Variants in CSMD1 observed in about 807,000 individuals in gnomAD.
CSMD1 encodes the protein CUB and sushi domain-containing protein 1.
In CSMD1, 213 loss-of-function variants were observed where a neutral mutation model predicts 417.5. The ratio of observed to expected loss-of-function variants is 0.51; its 90% CI spans 0.46 to 0.57. The LOEUF (loss-of-function observed/expected upper bound fraction) is 0.57. Ranked by LOEUF, CSMD1 falls within the 20% of genes least tolerant of loss-of-function variation. CSMD1 has a pLI of 0.00. For missense variants in CSMD1, 6,923 were observed against 4,529.7 expected (o/e 1.53, Z -15.17); for synonymous variants, 2,862 against 1,736.8 (o/e 1.65, Z -16.11).
rs1300804729 is a variant in CSMD1, at chr8:4,178,564, T to G, written c.416-146465A>C. Among the ~76,000 whole-genome samples, 4 of 151,230 alleles carry G rather than the reference T, an allele frequency of 2.6e-5. No homozygotes were observed. In the South Asian group the frequency reaches 8.4e-4, roughly 32 times the overall value. On this transcript the variant is annotated intron_variant, in intron 3 of 69. Transcript: ENST00000635120. ...CTCACCACTCCTATTCAACATAGTG[T>G]TGGAAGTTCTGGCCAGGGCAATTAG... is the stretch of plus-strand genomic sequence containing the variant.
At chr8:4,060,077 C>T (rs537297853) in intron 3 of CSMD1, among the ~76,000 whole-genome samples, 3 of 152,226 alleles carry the variant, frequency 2.0e-5, no homozygotes, top group African/African-American at 4.8e-5. Flanking sequence ...CAGCAGCACA[C>T]CAAAAAGCCT....
At chr8:4,116,070 C>A (rs1301231528) in intron 3 of CSMD1, among the ~76,000 whole-genome samples, 2 of 151,778 alleles carry the variant, frequency 1.3e-5, no homozygotes, top group African/African-American at 2.4e-5. Context: ...GCAATCTTGG[C>A]TCACTGCAAC....
intron 3 of CSMD1, among the ~76,000 whole-genome samples, chr8:4,246,284 T>G (rs1053734649): frequency 6.6e-6 from 1 of 152,164 alleles, no homozygotes; most frequent in African/African-American, 2.4e-5. Flanking sequence ...TTTGGTTTTC[T>G]GTTCCTGGGT....
At chr8:3,504,002 G>C (rs1000906846) in intron 10 of CSMD1, among the ~76,000 whole-genome samples, 3 of 152,132 alleles carry the variant, frequency 2.0e-5, no homozygotes, top group African/African-American at 7.2e-5. Flanking sequence ...AGCTAGATAG[G>C]TGCAATCAGT....
chr8:4,318,114 A>G (rs1045391645), intron 3 of CSMD1, among the ~76,000 whole-genome samples: 6 of 152,182 alleles, frequency 3.9e-5, no homozygotes, highest in Non-Finnish European at 4.4e-5. Flanking sequence ...TACCCATTCC[A>G]AAATTTTATG....
intron 3 of CSMD1, among the ~76,000 whole-genome samples, chr8:4,218,904 C>A (rs1258680322): frequency 6.6e-6 from 1 of 152,278 alleles, no homozygotes; most frequent in South Asian, 2.1e-4. Context: ...TATGATCTTT[C>A]CATTTTGGAT....
At chr8:3,288,593 G>A (rs1563229595) in intron 25 of CSMD1, among the ~76,000 whole-genome samples, 1 of 147,294 alleles carries the variant, frequency 6.8e-6, no homozygotes, top group Non-Finnish European at 1.5e-5. Context: ...GCATAGAGGT[G>A]TTTATAGTAT....
At chr8:4,234,544 C>A (rs1347777102) in intron 3 of CSMD1, among the ~76,000 whole-genome samples, 2 of 152,204 alleles carry the variant, frequency 1.3e-5, no homozygotes, top group Non-Finnish European at 2.9e-5. Context: ...CCTATCCCAT[C>A]TTTTGGCCGT....
At chr8:4,235,773 T>A (rs1802009175) in intron 3 of CSMD1, among the ~76,000 whole-genome samples, 1 of 152,206 alleles carries the variant, frequency 6.6e-6, no homozygotes, top group African/African-American at 2.4e-5. Context: ...TCTGGACCCC[T>A]AGTCTTTTTC....
chr8:4,898,919 T>C (rs1351430109), intron 1 of CSMD1, among the ~76,000 whole-genome samples: 2 of 152,208 alleles, frequency 1.3e-5, no homozygotes, highest in Admixed American at 6.5e-5. Flanking sequence ...AGATTAGATT[T>C]AGAGATAATG....
intron 3 of CSMD1, among the ~76,000 whole-genome samples, chr8:4,351,852 C>G (rs1050038082): frequency 6.6e-6 from 1 of 152,052 alleles, no homozygotes; most frequent in African/African-American, 2.4e-5. Context: ...GTCCAGGACC[C>G]TGGTCATTAT....
In CSMD1 at chr8:4,392,088, G is replaced by A. The variant is rs531289123; in HGVS notation, c.415+27865C>T. On this transcript the variant is annotated intron_variant, in intron 3 of 69. Transcript: ENST00000635120. ...ACACCATGGGTCTGCAGCTGCATGAGTGTCCAAGGAAAGACCAGCAGAATC... is the reference window on the plus strand; with the variant it reads ...ACACCATGGGTCTGCAGCTGCATGAATGTCCAAGGAAAGACCAGCAGAATC... 1.0e-3 allele frequency among the ~76,000 whole-genome samples: 156 copies of A among 152,312 alleles called. 1 individual carries two copies. Among genetic ancestry groups the A allele is most frequent in the Middle Eastern group, 6.8e-3 (2 of 294 alleles).
At position 3,988,507 on chromosome 8, in the gene CSMD1, C is replaced by G. The variant is rs140420750; in HGVS notation, c.818+9396G>C. On this transcript the variant is annotated intron_variant, in intron 5 of 69. Coordinates refer to ENST00000635120, the MANE Select transcript of CSMD1 (RefSeq NM_033225.6). Reference sequence around the variant, plus strand: ...CACGGAACAGCAGCACCAACCAGAGCTGAACGATTGTCAGAAACAGAGAAT... The same window carrying G: ...CACGGAACAGCAGCACCAACCAGAGGTGAACGATTGTCAGAAACAGAGAAT... Among the ~76,000 whole-genome samples the G allele has an allele frequency of 4.5e-3, 692 of 152,288 alleles. 5 individuals are homozygous for G. The highest frequency in any genetic ancestry group is 6.0e-3 in the Non-Finnish European group (406 of 68,014).
At chr8:3,465,164 T>G (rs542915573) in intron 12 of CSMD1, among the ~76,000 whole-genome samples, 1 of 152,258 alleles carries the variant, frequency 6.6e-6, no homozygotes, top group African/African-American at 2.4e-5. Flanking sequence ...GGGATCCCTG[T>G]TGTTTTTCAG....
chr8:3,969,274 C>G (rs1029507527), intron 5 of CSMD1, among the ~76,000 whole-genome samples: 2 of 152,102 alleles, frequency 1.3e-5, no homozygotes, highest in Non-Finnish European at 2.9e-5. Flanking sequence ...AAAAGAGTGG[C>G]TGTAGCTGCA....
chr8:3,731,753 G>A (rs146811820), intron 6 of CSMD1, among the ~76,000 whole-genome samples: 9 of 152,240 alleles, frequency 5.9e-5, no homozygotes, highest in Non-Finnish European at 1.2e-4. Flanking sequence ...AAGATGATGA[G>A]CAATACCAAT....
chr8:4,755,425 T>A (rs1244774346), intron 1 of CSMD1, among the ~76,000 whole-genome samples: 2 of 152,210 alleles, frequency 1.3e-5, no homozygotes, highest in Non-Finnish European at 2.9e-5. Flanking sequence ...TTCAAGTACT[T>A]ATTTACTATC....
At chr8:3,757,885 A>G (rs751187038) in intron 5 of CSMD1, among the ~76,000 whole-genome samples, 2 of 151,872 alleles carry the variant, frequency 1.3e-5, no homozygotes, top group East Asian at 2.0e-4. Flanking sequence ...AACCAACAAC[A>G]AAAACACCGA....
chr8:4,528,911 C>T (rs565345995), intron 2 of CSMD1, among the ~76,000 whole-genome samples: 47 of 152,214 alleles, frequency 3.1e-4, no homozygotes, highest in African/African-American at 1.1e-3. Context: ...ACGGGATTAG[C>T]TTGAGTTCAA....
Sources: gnomAD v4.1 joint callset for allele counts (sites outside exome capture counted in the v4.1 genomes callset) on GRCh38, gnomAD v4.1.1 for gene constraint, MANE v1.5 for transcripts, NCBI Gene and HGNC (gene_info 2026-07-23, HGNC 2026-07-21) for gene names.